GAS7: variants seen among roughly 807,000 people sequenced by gnomAD.
GAS7 encodes the protein growth arrest-specific protein 7.
GAS7 carries 28 observed loss-of-function variants against 71.1 expected under a neutral mutation model. That is an observed-to-expected ratio of 0.39 (90% CI 0.29 to 0.54). GAS7 has a LOEUF of 0.54. GAS7 is among the 20% of genes least tolerant of loss of function. The pLI is 0.62. For missense variants in GAS7, 436 were observed against 627.8 expected, an observed-to-expected ratio of 0.69 and a Z score of 3.27; for synonymous variants, 258 against 245.8, an observed-to-expected ratio of 1.05 and a Z score of -0.46.
chr17:10,082,727 T>C (rs543803709), intron 1 of GAS7, among the ~76,000 whole-genome samples: 1 of 152,330 alleles, frequency 6.6e-6, no homozygotes, highest in Non-Finnish European at 1.5e-5. Context: ...AGCTAAATCA[T>C]GGAAGCAACC....
intron 1 of GAS7, among the ~76,000 whole-genome samples, chr17:10,162,308 A>T (rs894801181): frequency 6.6e-6 from 1 of 152,192 alleles, no homozygotes; most frequent in Non-Finnish European, 1.5e-5. Flanking sequence ...TTCAGGGGGA[A>T]AAACATCACA....
chr17:10,083,601 G>A (rs2073481197), intron 1 of GAS7, among the ~76,000 whole-genome samples: 1 of 152,226 alleles, frequency 6.6e-6, no homozygotes, highest in Admixed American at 6.5e-5. Flanking sequence ...GAAGAATGAG[G>A]ATGCACTGAA....
chr17:10,083,816 C>A (rs149444820), intron 1 of GAS7, among the ~76,000 whole-genome samples: 3 of 152,112 alleles, frequency 2.0e-5, no homozygotes, highest in African/African-American at 7.2e-5. Context: ...AAAGACACCA[C>A]GCAGAAGTGG....
intron 1 of GAS7, among the ~76,000 whole-genome samples, chr17:10,151,314 C>T (rs991886089): frequency 2.0e-5 from 3 of 151,866 alleles, no homozygotes; most frequent in South Asian, 2.1e-4. Flanking sequence ...TAAAGGGTTT[C>T]GTTTGCTTGT....
At chr17:10,036,509 A>G in intron 1 of GAS7, 1 of 1,611,134 alleles carries the variant, frequency 6.2e-7, no homozygotes, top group Non-Finnish European at 8.5e-7. Context: ...AAGCCCTCAG[A>G]CTCAGCACCA....
At chr17:9,944,349 CAGAG>C (rs1222859486) in intron 6 of GAS7, among the ~76,000 whole-genome samples, 1 of 152,154 alleles carries the variant, frequency 6.6e-6, no homozygotes, top group African/African-American at 2.4e-5. Context: ...TTTGATATCC[CAGAG>C]AGAGAGGTGC....
At chr17:9,961,711 T>C (rs2069502665) in intron 4 of GAS7, among the ~76,000 whole-genome samples, 1 of 152,202 alleles carries the variant, frequency 6.6e-6, no homozygotes, top group Non-Finnish European at 1.5e-5. Flanking sequence ...ATTTCATCCT[T>C]ACAACCCCAG....
rs150811237 is a variant in GAS7, at chr17:9,929,316, C to G, written c.886-2547G>C. Among the ~76,000 whole-genome samples, 185 of 152,186 alleles carry G rather than the reference C, an allele frequency of 1.2e-3. 1 individual carries two copies. Among genetic ancestry groups the G allele is most frequent in the African/African-American group, 4.4e-3 (181 of 41,516 alleles). On this transcript the variant is annotated intron_variant, in intron 9 of 13. Transcript: ENST00000432992. ...GGACCCCAGCCCCAGGTTCTGTGGT[C>G]TGGGGAAAAGCCCATGAACCTGCCA... is the stretch of plus-strand genomic sequence containing the variant.
intron 1 of GAS7, among the ~76,000 whole-genome samples, chr17:10,197,084 T>C (rs905558897): frequency 6.6e-6 from 1 of 152,230 alleles, no homozygotes; most frequent in Admixed American, 6.5e-5. Flanking sequence ...TGTACTTTTA[T>C]AAGGCCAGGC....
At chr17:9,998,582 T>C (rs998944744) in intron 2 of GAS7, among the ~76,000 whole-genome samples, 2 of 151,402 alleles carry the variant, frequency 1.3e-5, no homozygotes, top group Non-Finnish European at 2.9e-5. Context: ...GCCTGGGCAA[T>C]ATAGTGAGAC....
chr17:10,194,730 T>C (rs1013247875), intron 1 of GAS7, among the ~76,000 whole-genome samples: 4 of 151,974 alleles, frequency 2.6e-5, no homozygotes, highest in African/African-American at 4.8e-5. Context: ...TCCCAGCACT[T>C]TGGGAGGCCG....
rs2067545536 is a variant in GAS7 at position 9,915,043 on chromosome 17, CAG to C, written c.*2183_*2184del. 4.3e-6 allele frequency: 1 copy of C among 231,228 alleles called. No individual in the cohort carries two copies. Among genetic ancestry groups the C allele is most frequent in the East Asian group, 6.1e-5 (1 of 16,374 alleles). The allele number at this position is 231,228 out of a possible 1,614,324, so 14.3% of individuals were successfully genotyped here. A position where few individuals can be genotyped will look rare whatever the true frequency, so the allele number is the denominator to read the frequency against. On this transcript the variant is annotated 3_prime_UTR_variant, in exon 14 of 14. Transcript: ENST00000432992. ...TTTAACCTGCTTGATGAATGAATAA[CAG>C]AGGGAAGAAAGAAAGGAAGTACGTG...
At chr17:10,027,576 A>G (rs2072498360) in intron 1 of GAS7, among the ~76,000 whole-genome samples, 1 of 152,210 alleles carries the variant, frequency 6.6e-6, no homozygotes, top group African/African-American at 2.4e-5. Flanking sequence ...GGTATTCACT[A>G]GCTTGTCCTT....
intron 1 of GAS7, among the ~76,000 whole-genome samples, chr17:10,050,569 G>A (rs2073049294): frequency 6.6e-6 from 1 of 152,066 alleles, no homozygotes; most frequent in South Asian, 2.1e-4. Context: ...CAGAACCAAG[G>A]CCCCATTCAG....
chr17:10,134,836 C>CTT (rs34031588), intron 1 of GAS7, among the ~76,000 whole-genome samples: 49 of 144,888 alleles, frequency 3.4e-4, no homozygotes, highest in South Asian at 6.6e-4. Context: ...TTTACATCCA[C>CTT]TTTTTTTTTT....
At position 10,126,645 on chromosome 17, in the gene GAS7, TTCTC is replaced by T. The variant is rs1024747999; in HGVS notation, c.183+71559_183+71562del. Among the ~76,000 whole-genome samples the T allele has an allele frequency of 2.0e-4, 31 of 152,180 alleles. 1 individual carries two copies. Among genetic ancestry groups the T allele is most frequent in the South Asian group, 1.2e-3 (6 of 4,806 alleles). On this transcript the variant is annotated intron_variant, in intron 1 of 13. Transcript: ENST00000432992. Reference sequence around the variant, plus strand: ...ACTCACACACTCGCGCACACACATATTCTCTCTCTCAAGATCTTCCTCCTGCTCC... The same window carrying T: ...ACTCACACACTCGCGCACACACATATTCTCTCAAGATCTTCCTCCTGCTCC...
intron 4 of GAS7, among the ~76,000 whole-genome samples, chr17:9,967,172 CTTT>C (rs34002748): frequency 1.4e-3 from 200 of 146,124 alleles, no homozygotes; most frequent in Middle Eastern, 7.0e-3. Flanking sequence ...TACTTTGTAG[CTTT>C]TTTTTTTTTT....
intron 2 of GAS7, among the ~76,000 whole-genome samples, chr17:10,010,121 A>G (rs2071707659): frequency 6.6e-6 from 1 of 152,014 alleles, no homozygotes. Flanking sequence ...ATTTCTATAT[A>G]TGTAAAACAA....
chr17:9,959,015 T>C lies in GAS7; in HGVS notation c.525+187A>G. 1 of 1,414,248 alleles carries C rather than the reference T, an allele frequency of 7.1e-7. No individual in the cohort carries two copies. 87.6% of individuals were successfully genotyped at this position (1,414,248 alleles called of 1,614,324 possible). ...CCAGGAGAGAAGTGAAATGTGAAAT[T>C]GACAGGAGAAGGGGAGGTGGGAGGG... On this transcript the variant is annotated intron_variant, in intron 5 of 13. Coordinates refer to ENST00000432992, the MANE Select transcript of GAS7 (RefSeq NM_201433.2). This position sits in a 1 kb window ranked among gnomAD's most constrained non-coding sequence, Gnocchi z 5.0.
Sources: allele counts gnomAD v4.1 joint callset (sites outside exome capture counted in the v4.1 genomes callset), GRCh38; gene constraint gnomAD v4.1.1; non-coding constraint Gnocchi (gnomAD v3.1); transcripts MANE v1.5; gene names NCBI Gene and HGNC (gene_info 2026-07-23, HGNC 2026-07-21).